The following NALF1 variants were observed in gnomAD, a reference collection of about 807,000 sequenced individuals.
NALF1 encodes the protein NALCN channel auxiliary factor 1.
In NALF1, 3 loss-of-function variants were observed where a neutral mutation model predicts 48.4. The ratio of observed to expected loss-of-function variants is 0.06; its 90% CI spans 0.03 to 0.16. The LOEUF is 0.16. NALF1 is among the 10% of genes least tolerant of loss of function. NALF1 has a pLI of 1.00. For synonymous variants in NALF1, 262 were observed against 245.7 expected (o/e 1.07, Z -0.62); for missense variants, 526 against 571.5 (o/e 0.92, Z 0.81).
At chr13:107,539,142 T>G (rs181288750) in intron 1 of NALF1, among the ~76,000 whole-genome samples, 5 of 152,004 alleles carry the variant, frequency 3.3e-5, no homozygotes, top group African/African-American at 9.7e-5. Context: ...CATTTTCCAT[T>G]GCTCTAACAA....
chr13:107,213,230 C>A (rs1352151515), intron 1 of NALF1, among the ~76,000 whole-genome samples: 289 of 103,278 alleles, frequency 2.8e-3, no homozygotes, highest in Middle Eastern at 6.7e-3. Flanking sequence ...TTTTTTAACT[C>A]AAAAAAAAAA....
At chr13:107,372,705 A>G (rs945391379) in intron 1 of NALF1, among the ~76,000 whole-genome samples, 1 of 152,222 alleles carries the variant, frequency 6.6e-6, no homozygotes, top group African/African-American at 2.4e-5. Flanking sequence ...TGATAGATCA[A>G]TGCTTTAAAA....
intron 1 of NALF1, among the ~76,000 whole-genome samples, chr13:107,672,477 C>T (rs939308686): frequency 6.6e-6 from 1 of 152,066 alleles, no homozygotes; most frequent in African/African-American, 2.4e-5. Flanking sequence ...TATAGTCAGG[C>T]CTGCCTCATC....
intron 1 of NALF1, among the ~76,000 whole-genome samples, chr13:107,665,870 A>G (rs1003796111): frequency 2.0e-5 from 3 of 152,180 alleles, no homozygotes; most frequent in African/African-American, 7.2e-5. Context: ...GTAAGTGATG[A>G]TGCCAGCCAT....
intron 1 of NALF1, among the ~76,000 whole-genome samples, chr13:107,603,303 G>A (rs188754325): frequency 4.3e-4 from 65 of 152,234 alleles, no homozygotes; most frequent in African/African-American, 1.5e-3. Flanking sequence ...AAAATTTATA[G>A]AGGTAACAAT....
intron 1 of NALF1, among the ~76,000 whole-genome samples, chr13:107,855,863 T>C (rs1594316605): frequency 6.6e-6 from 1 of 152,326 alleles, no homozygotes. Context: ...GATAACATTA[T>C]TATGACAGAA....
intron 1 of NALF1, among the ~76,000 whole-genome samples, chr13:107,216,302 A>G (rs1766417491): frequency 6.6e-6 from 1 of 152,216 alleles, no homozygotes; most frequent in South Asian, 2.1e-4. Context: ...GTGAAACTCA[A>G]AATAAATTTT....
At chr13:107,299,253 C>T (rs931269123) in intron 1 of NALF1, among the ~76,000 whole-genome samples, 2 of 151,840 alleles carry the variant, frequency 1.3e-5, no homozygotes, top group African/African-American at 2.4e-5. Context: ...TAACTTTGAT[C>T]ATGGACGTCT....
At chr13:107,558,202 T>G (rs1186092792) in intron 1 of NALF1, among the ~76,000 whole-genome samples, 1 of 152,198 alleles carries the variant, frequency 6.6e-6, no homozygotes, top group Non-Finnish European at 1.5e-5. Flanking sequence ...AGAAAATTAG[T>G]GGTAAATCTG....
intron 1 of NALF1, among the ~76,000 whole-genome samples, chr13:107,217,034 T>C (rs1879887615): frequency 6.6e-6 from 1 of 152,242 alleles, no homozygotes; most frequent in Non-Finnish European, 1.5e-5. Context: ...GTGTCCTAAC[T>C]ATGACACAGA....
intron 1 of NALF1, among the ~76,000 whole-genome samples, chr13:107,669,060 T>C (rs1428912541): frequency 6.6e-6 from 1 of 152,160 alleles, no homozygotes; most frequent in East Asian, 1.9e-4. Flanking sequence ...ATAATACTGA[T>C]ATTAAGCTTT....
chr13:107,640,058 G>T (rs1880108250), intron 1 of NALF1, among the ~76,000 whole-genome samples: 1 of 152,056 alleles, frequency 6.6e-6, no homozygotes, highest in Non-Finnish European at 1.5e-5. Flanking sequence ...TGGAATCATT[G>T]ACTGTTTTAA....
chr13:107,845,419 C>T (rs1880145357), intron 1 of NALF1, among the ~76,000 whole-genome samples: 1 of 152,114 alleles, frequency 6.6e-6, no homozygotes, highest in Non-Finnish European at 1.5e-5. Context: ...TTGAGGTGGG[C>T]AGGGTAATGG....
rs771418287 is a variant in NALF1 at position 107,702,581 on chromosome 13, G to T, written c.915+163101C>A. 2.0e-5 allele frequency among the ~76,000 whole-genome samples: 3 copies of T among 151,994 alleles called. No homozygotes were observed. The South Asian group carries it at 6.2e-4, about 32-fold the overall frequency. On this transcript the variant is annotated intron_variant, in intron 1 of 2. Coordinates refer to ENST00000375915, the MANE Select transcript of NALF1 (RefSeq NM_001080396.3). ...TTTTAAGTTCAGGGGTACATGTCAG[G>T]ATGTGCAGGTTACATAGGTAAACTT...
intron 1 of NALF1, among the ~76,000 whole-genome samples, chr13:107,684,633 C>G (rs758888927): frequency 6.6e-6 from 1 of 152,072 alleles, no homozygotes; most frequent in Non-Finnish European, 1.5e-5. Flanking sequence ...AGAATACTGA[C>G]AATAGACTCT....
At chr13:107,790,300 A>G (rs745808154) in intron 1 of NALF1, among the ~76,000 whole-genome samples, 3 of 152,240 alleles carry the variant, frequency 2.0e-5, no homozygotes. Context: ...AAAGTGGAAT[A>G]ATACAGTACA....
chr13:107,526,772 A>C (rs1264813215), intron 1 of NALF1, among the ~76,000 whole-genome samples: 1 of 152,142 alleles, frequency 6.6e-6, no homozygotes, highest in Non-Finnish European at 1.5e-5. Context: ...AACTTAAGAT[A>C]CTCAAAATCA....
chr13:107,860,037 G>A (rs1474134723), intron 1 of NALF1, among the ~76,000 whole-genome samples: 1 of 150,560 alleles, frequency 6.6e-6, no homozygotes, highest in African/African-American at 2.4e-5. Flanking sequence ...ACTTTATATA[G>A]TATCTCATGA....
intron 1 of NALF1, among the ~76,000 whole-genome samples, chr13:107,668,460 A>G (rs1172250944): frequency 2.0e-5 from 3 of 151,824 alleles, no homozygotes; most frequent in Non-Finnish European, 2.9e-5. Context: ...CTCAGCTTCA[A>G]CTTCTCTAGG....
Sources: allele counts gnomAD v4.1 joint callset (sites outside exome capture counted in the v4.1 genomes callset), GRCh38; gene constraint gnomAD v4.1.1; transcripts MANE v1.5; gene names NCBI Gene and HGNC (gene_info 2026-07-23, HGNC 2026-07-21).